ZNF638: variants seen among roughly 807,000 people sequenced by gnomAD.
The protein encoded by ZNF638 is zinc finger protein 638.
ZNF638 carries 46 observed loss-of-function variants against 195.6 expected under a neutral mutation model. That is an observed-to-expected ratio of 0.24 (90% CI 0.19 to 0.30). ZNF638 has a LOEUF of 0.30. Among genes scored for constraint, ZNF638 ranks in the 10% least tolerant of loss-of-function variants. The probability of loss-of-function intolerance (pLI) is 1.00; values close to 1 mark genes in which losing one functional copy is unlikely to be tolerated. For missense variants in ZNF638, 2,440 were observed against 2,325.3 expected, an observed-to-expected ratio of 1.05 and a Z score of -1.01; for synonymous variants, 845 against 772.0, an observed-to-expected ratio of 1.09 and a Z score of -1.57.
intron 6 of ZNF638, among the ~76,000 whole-genome samples, chr2:71,366,589 A>G (rs1036546802): frequency 2.0e-5 from 3 of 152,164 alleles, no homozygotes; most frequent in Admixed American, 6.6e-5. Context: ...GGCTAGCTTC[A>G]CAAGCAGATC....
intron 1 of ZNF638, among the ~76,000 whole-genome samples, chr2:71,337,867 T>C (rs1421245809): frequency 6.6e-6 from 1 of 151,410 alleles, no homozygotes; most frequent in East Asian, 1.9e-4. Flanking sequence ...CTGGAACATT[T>C]CCATAGTCTG....
At chr2:71,405,489 AT>A in intron 17 of ZNF638, 111 bp from the exon 18 acceptor site, 1 of 650,516 alleles carries the variant, frequency 1.5e-6, no homozygotes, top group Non-Finnish European at 2.6e-6. Context: ...ATTTTATAAA[AT>A]ACTTTGTAAT....
intron 17 of ZNF638, 69 bp from the exon 18 acceptor site, chr2:71,405,532 C>T (rs1203260015): frequency 4.1e-6 from 4 of 967,190 alleles, no homozygotes; most frequent in African/African-American, 3.4e-5. Context: ...TGTTATAAAT[C>T]TTAACTAAGT....
chr2:71,347,927 TC>T (rs1370492443), intron 1 of ZNF638, among the ~76,000 whole-genome samples: 1 of 152,330 alleles, frequency 6.6e-6, no homozygotes, highest in South Asian at 2.1e-4. Flanking sequence ...CTTAGTGTCT[TC>T]CTCTGTAAAA....
chr2:71,382,921 C>T (rs2104361323), intron 10 of ZNF638, among the ~76,000 whole-genome samples: 1 of 152,182 alleles, frequency 6.6e-6, no homozygotes, highest in South Asian at 2.1e-4. Context: ...AGAGAGAAAA[C>T]AAAGAAAAGA....
chr2:71,367,850 A>G (rs534195296), intron 6 of ZNF638, among the ~76,000 whole-genome samples: 9 of 151,912 alleles, frequency 5.9e-5, no homozygotes, highest in Admixed American at 5.9e-4. Flanking sequence ...GGATACAGGC[A>G]TGAGCCACCA....
intron 15 of ZNF638, 64 bp downstream of exon 15, chr2:71,400,582 T>G (rs559239343): frequency 2.1e-6 from 3 of 1,414,878 alleles, no homozygotes; most frequent in South Asian, 1.4e-5. Context: ...GATATTTTTC[T>G]TATAAACCCA....
intron 21 of ZNF638, among the ~76,000 whole-genome samples, chr2:71,419,880 T>C (rs910597131): frequency 5.9e-5 from 9 of 151,342 alleles, no homozygotes. Flanking sequence ...TAAAATTGAA[T>C]ATATTTCTTA....
intron 10 of ZNF638, 54 bp downstream of exon 10, chr2:71,380,619 A>G: frequency 1.4e-6 from 2 of 1,434,440 alleles, no homozygotes; most frequent in Non-Finnish European, 1.9e-6. Context: ...TCAGTTTAGT[A>G]GAAACTTAGA....
At position 71,426,670 on chromosome 2, in the gene ZNF638, T is replaced by G. The variant is rs753519428; in HGVS notation, c.4801T>G (p.Leu1601Val). The change falls in exon 24 of 28, where the codon TTG becomes GTG. Residue 1601 changes from leucine (L) to valine (V), a missense_variant. By Grantham distance (32) the Leu-to-Val change is conservative. Transcript: ENST00000264447. ...TGAGGGAGAACTATCTTTTGTGACA[T>G]TGGATGAGATTGGGGAAGAGGAAGA... ...GVEGELSFVT[L>V]DEIGEEEDAA... 6.2e-7 allele frequency: 1 copy of G among 1,614,078 alleles called. No homozygotes were observed. Among genetic ancestry groups the G allele is most frequent in the African/African-American group, 1.3e-5 (1 of 74,934 alleles).
intron 8 of ZNF638, among the ~76,000 whole-genome samples, chr2:71,373,710 G>T (rs373741717): frequency 6.6e-6 from 1 of 151,148 alleles, no homozygotes; most frequent in Admixed American, 6.6e-5. Context: ...GAGCCACCTC[G>T]CCCGGCCAAG....
rs371920105 is a variant in ZNF638, at chr2:71,349,548, A to G, written c.594A>G (p.Thr198=). 1.2e-6 allele frequency: 2 copies of G among 1,614,064 alleles called. No individual in the cohort carries two copies. The highest frequency in any genetic ancestry group is 3.3e-5 in the Admixed American group (2 of 60,004). ...NLPSQSRNKE[T]LGSEAVSSNV... is the part of the protein sequence containing the mutation. ...CTTCTCAGAGCAGAAATAAAGAAAC[A>G]CTTGGTAGTGAAGCAGTTTCAAGTA... The change falls in exon 2 of 28, where the codon ACA becomes ACG. Residue 198 remains threonine, a synonymous_variant. Transcript: ENST00000264447.
rs2078779952 is a variant in ZNF638 at position 71,342,558 on chromosome 2, T to C, written c.-202-6195T>C. On this transcript the variant is annotated intron_variant, in intron 1 of 27. Transcript: ENST00000264447. ...CATAGGTAACTGTAGATTTAAAGTT[T>C]ATAATAGCCAAAGAAAAGGCATTGG... Among the ~76,000 whole-genome samples, 4 of 152,204 alleles carry C rather than the reference T, an allele frequency of 2.6e-5. No individual in the cohort carries two copies. The South Asian group carries it at 6.2e-4, about 24-fold the overall frequency.
Position 71,398,682 on chromosome 2 carries a change from TG to T in ZNF638, c.2429-18del. The stretch of plus-strand genomic sequence containing the variant: ...ACTAGTTAAGTAAACCAGTTTTGAC[TG>T]CATCTTTTGTGATTTAGGGAAATCA... On this transcript the variant is annotated intron_variant, in intron 11 of 27. Transcript: ENST00000264447. 6.2e-7 allele frequency: 1 copy of T among 1,610,260 alleles called. No individual in the cohort carries two copies.
At chr2:71,363,833 T>A in intron 4 of ZNF638, 121 bp from the exon 5 acceptor site, 1 of 1,243,764 alleles carries the variant, frequency 8.0e-7, no homozygotes, top group Non-Finnish European at 1.1e-6. Flanking sequence ...TAAGTACATA[T>A]CTTTTATGAG....
chr2:71,395,733 C>T, intron 10 of ZNF638: 1 of 395,034 alleles, frequency 2.5e-6, no homozygotes, highest in Non-Finnish European at 4.8e-6. Context: ...CCGAACAGTC[C>T]CCTAGCCGCA....
intron 8 of ZNF638, 89 bp from the exon 9 acceptor site, chr2:71,380,133 T>C (rs1365873253): frequency 2.9e-6 from 2 of 687,324 alleles, no homozygotes; most frequent in Non-Finnish European, 4.6e-6. Flanking sequence ...ATGTGTCCTT[T>C]AGAATAGGAA....
chr2:71,382,376 AAGG>A (rs1313206661), intron 10 of ZNF638, among the ~76,000 whole-genome samples: 2 of 152,190 alleles, frequency 1.3e-5, no homozygotes, highest in African/African-American at 4.8e-5. Context: ...TAGAAAGAAA[AAGG>A]AGCCTATAAA....
At chr2:71,358,402 G>A (rs928756916) in intron 3 of ZNF638, among the ~76,000 whole-genome samples, 4 of 152,052 alleles carry the variant, frequency 2.6e-5, no homozygotes, top group African/African-American at 9.7e-5. Flanking sequence ...TCGCTCTCTC[G>A]TCTGGGCCTT....
Sources: gnomAD v4.1 joint callset for allele counts (sites outside exome capture counted in the v4.1 genomes callset) on GRCh38, gnomAD v4.1.1 for gene constraint, MANE v1.5 for transcripts, NCBI Gene and HGNC (gene_info 2026-07-23, HGNC 2026-07-21) for gene names.